Variants in KDM7A observed in about 807,000 individuals in gnomAD.
KDM7A encodes the protein lysine-specific demethylase 7A.
In KDM7A, 28 loss-of-function variants were observed where a neutral mutation model predicts 114.8. The ratio of observed to expected loss-of-function variants is 0.24; its 90% CI spans 0.18 to 0.33. The LOEUF is 0.33. KDM7A is among the 10% of genes least tolerant of loss of function. The pLI, the probability that KDM7A is intolerant of heterozygous loss-of-function variation, is 1.00. For missense variants in KDM7A, 942 were observed against 1,142.5 expected, an observed-to-expected ratio of 0.82 and a Z score of 2.53; for synonymous variants, 423 against 397.8, an observed-to-expected ratio of 1.06 and a Z score of -0.75.
Position 140,089,155 on chromosome 7 carries a change from A to C in KDM7A, c.*1939T>G, listed in dbSNP as rs1381874712. On this transcript the variant is annotated 3_prime_UTR_variant, in exon 20 of 20. Transcript: ENST00000397560. ...CAGATTTTTGACATCCTGAGATAAGATGACTCTACCCATCTTTCCACTGGT... is the reference window on the plus strand; with the variant it reads ...CAGATTTTTGACATCCTGAGATAAGCTGACTCTACCCATCTTTCCACTGGT... 1 of 152,156 alleles carries C rather than the reference A, an allele frequency of 6.6e-6. No homozygotes were observed. Among genetic ancestry groups the C allele is most frequent in the Non-Finnish European group, 1.5e-5 (1 of 68,020 alleles). 9.4% of individuals were successfully genotyped at this position (152,156 alleles called of 1,614,324 possible).
chr7:140,129,538 G>C lies in KDM7A; in HGVS notation c.514C>G (p.Leu172Val). 1 of 1,613,410 alleles carries C rather than the reference G, an allele frequency of 6.2e-7. No homozygotes were observed. The highest frequency in any genetic ancestry group is 8.5e-7 in the Non-Finnish European group (1 of 1,179,456). Reference protein sequence around the residue: ...VPKLDDLGLRLPSPTFSVMDV... With the variant: ...VPKLDDLGLRVPSPTFSVMDV... ...ATCACAGAAAATGTAGGTGAAGGGA[G>C]CCTGAGTCCTAGATCATCTAATTTT... Residue 172 changes from leucine (L) to valine (V), a missense_variant, in exon 4 of 20, where the codon CTC (leucine) becomes GTC (valine). This residue lies in a region of KDM7A where 318 missense variants were observed against 453.1 expected (regional missense o/e 0.70). Transcript: ENST00000397560.
At chr7:140,141,860 C>G (rs1378944635) in intron 1 of KDM7A, among the ~76,000 whole-genome samples, 2 of 151,288 alleles carry the variant, frequency 1.3e-5, no homozygotes, top group Non-Finnish European at 2.9e-5. Context: ...CACCATTGCA[C>G]TCCAGCCTGG....
chr7:140,164,302 T>C (rs1039191059), intron 1 of KDM7A, among the ~76,000 whole-genome samples: 5 of 152,202 alleles, frequency 3.3e-5, no homozygotes, highest in South Asian at 2.1e-4. Context: ...GAAAAACCTA[T>C]AGATCAGGGT....
chr7:140,157,545 T>C (rs1200183279), intron 1 of KDM7A, among the ~76,000 whole-genome samples: 2 of 152,130 alleles, frequency 1.3e-5, no homozygotes, highest in Admixed American at 6.5e-5. Flanking sequence ...TCCCAGCTAC[T>C]TGGGAGGCTG....
intron 3 of KDM7A, among the ~76,000 whole-genome samples, chr7:140,133,109 T>C (rs559979360): frequency 1.3e-5 from 2 of 152,230 alleles, no homozygotes; most frequent in Middle Eastern, 3.4e-3. Flanking sequence ...TTCTGGTGGA[T>C]GTAGGGCAGA....
At chr7:140,112,728 A>G (rs141297854) in intron 10 of KDM7A, among the ~76,000 whole-genome samples, 1 of 152,382 alleles carries the variant, frequency 6.6e-6, no homozygotes, top group Non-Finnish European at 1.5e-5. Context: ...TGAGAAAGAC[A>G]GTCCCTGTTC....
intron 9 of KDM7A, among the ~76,000 whole-genome samples, chr7:140,115,807 A>G (rs1449094753): frequency 7.4e-6 from 1 of 134,582 alleles, no homozygotes; most frequent in Non-Finnish European, 1.6e-5. Flanking sequence ...ATAAATTTAA[A>G]AAAAATAAAT....
intron 12 of KDM7A, 147 bp from the exon 13 acceptor site, chr7:140,100,170 T>C: frequency 1.4e-6 from 1 of 723,128 alleles, no homozygotes; most frequent in Non-Finnish European, 2.3e-6. Context: ...TGCAGCAGTA[T>C]GGCACTCCAG....
intron 1 of KDM7A, among the ~76,000 whole-genome samples, chr7:140,151,786 T>C (rs1160558474): frequency 6.6e-6 from 1 of 152,182 alleles, no homozygotes; most frequent in Non-Finnish European, 1.5e-5. Context: ...ATGAAATAAA[T>C]AGGATCTTTA....
intron 1 of KDM7A, among the ~76,000 whole-genome samples, chr7:140,142,390 C>G (rs1267512463): frequency 6.6e-6 from 1 of 150,920 alleles, no homozygotes; most frequent in Non-Finnish European, 1.5e-5. Context: ...AGGAATTATA[C>G]CCAGAATATA....
chr7:140,165,385 C>T (rs1585168889), intron 1 of KDM7A, among the ~76,000 whole-genome samples: 1 of 152,160 alleles, frequency 6.6e-6, no homozygotes, highest in East Asian at 1.9e-4. Context: ...GTAGTTAGGG[C>T]TATTTTCCCA....
intron 1 of KDM7A, among the ~76,000 whole-genome samples, chr7:140,161,438 C>CT (rs1292405793): frequency 6.6e-6 from 1 of 152,156 alleles, no homozygotes; most frequent in South Asian, 2.1e-4. Context: ...GACCTTTGTT[C>CT]TTTTTTTAAA....
intron 2 of KDM7A, among the ~76,000 whole-genome samples, chr7:140,136,252 A>T (rs1292987302): frequency 6.6e-6 from 1 of 152,244 alleles, no homozygotes; most frequent in Non-Finnish European, 1.5e-5. Flanking sequence ...ATGTCAAAGA[A>T]GATAACATAG....
chr7:140,114,314 C>T (rs539746870), intron 9 of KDM7A, among the ~76,000 whole-genome samples: 8 of 151,386 alleles, frequency 5.3e-5, no homozygotes, highest in African/African-American at 1.9e-4. Context: ...ATTGCAGGCG[C>T]GCGCCACCAC....
chr7:140,106,747 G>A (rs1050217770), intron 11 of KDM7A, among the ~76,000 whole-genome samples: 1 of 152,210 alleles, frequency 6.6e-6, no homozygotes, highest in African/African-American at 2.4e-5. Flanking sequence ...GTAGTGCTGA[G>A]AAGAATGTAC....
At chr7:140,157,488 A>G (rs1585164907) in intron 1 of KDM7A, among the ~76,000 whole-genome samples, 1 of 152,234 alleles carries the variant, frequency 6.6e-6, no homozygotes, top group Non-Finnish European at 1.5e-5. Flanking sequence ...CTCTGACTCT[A>G]CAAAAATATT....
chr7:140,140,515 C>A (rs1419266518), intron 1 of KDM7A, among the ~76,000 whole-genome samples: 1 of 152,142 alleles, frequency 6.6e-6, no homozygotes, highest in South Asian at 2.1e-4. Context: ...CTGGTTCACA[C>A]CCGTAATCCC....
At chr7:140,116,834 C>T (rs79494305) in intron 9 of KDM7A, among the ~76,000 whole-genome samples, 9,078 of 152,240 alleles carry the variant, frequency 0.06, 341 homozygotes, top group East Asian at 0.13. Context: ...TTCGCTTCTG[C>T]ACAGTGGCTA....
chr7:140,113,186 G>C (rs1818460636), intron 10 of KDM7A, among the ~76,000 whole-genome samples: 2 of 152,196 alleles, frequency 1.3e-5, no homozygotes, highest in South Asian at 4.1e-4. Context: ...AGTGCTCTCA[G>C]CACACTATAG....
Sources: gnomAD v4.1 joint callset for allele counts (sites outside exome capture counted in the v4.1 genomes callset) on GRCh38, gnomAD v4.1.1 for gene constraint, gnomAD v4.1.1 regional missense constraint, MANE v1.5 for transcripts, NCBI Gene and HGNC (gene_info 2026-07-23, HGNC 2026-07-21) for gene names.